The following STK39 variants were observed in gnomAD, a reference collection of about 807,000 sequenced individuals.
The protein encoded by STK39 is STE20/SPS1-related proline-alanine-rich protein kinase.
A neutral mutation model predicts 77.8 loss-of-function variants in STK39; 20 were observed. The ratio of observed to expected loss-of-function variants is 0.26; its 90% confidence interval spans 0.18 to 0.37. The LOEUF (loss-of-function observed/expected upper bound fraction) is 0.37, where lower values mean the gene tolerates loss of function less well. Among genes scored for constraint, STK39 ranks in the 10% least tolerant of loss-of-function variants. STK39 has a pLI of 1.00. For synonymous variants in STK39, 246 were observed against 234.1 expected (o/e 1.05, Z -0.47); for missense variants, 479 against 656.5 (o/e 0.73, Z 2.95).
chr2:167,956,724 TCTCTCC>T (rs1691791043), intron 17 of STK39, among the ~76,000 whole-genome samples: 1 of 52,380 alleles, frequency 1.9e-5, no homozygotes, highest in Non-Finnish European at 4.1e-5. Flanking sequence ...TCTCTCTCTC[TCTCTCC>T]CCCCCCGCCC....
intron 16 of STK39, among the ~76,000 whole-genome samples, chr2:167,990,578 A>G (rs927852656): frequency 1.3e-5 from 2 of 152,228 alleles, no homozygotes; most frequent in South Asian, 4.1e-4. Context: ...AGAAGACAGA[A>G]ACCTCTGGAA....
chr2:168,102,577 C>A (rs1168696806), intron 10 of STK39, among the ~76,000 whole-genome samples: 1 of 152,168 alleles, frequency 6.6e-6, no homozygotes, highest in Non-Finnish European at 1.5e-5. Flanking sequence ...CTGTACAAGC[C>A]AGCCCTTCAA....
chr2:168,012,234 G>A (rs908142199), intron 16 of STK39, among the ~76,000 whole-genome samples: 9 of 151,632 alleles, frequency 5.9e-5, no homozygotes, highest in African/African-American at 1.2e-4. Context: ...GTGCAATGGC[G>A]TGATCTCGGC....
chr2:168,160,504 C>G (rs143347654), intron 5 of STK39, among the ~76,000 whole-genome samples: 1 of 123,754 alleles, frequency 8.1e-6, no homozygotes, highest in African/African-American at 2.8e-5. Flanking sequence ...CATGGTAGAA[C>G]AGCAGTTATT....
chr2:168,044,741 T>G (rs916681635), intron 14 of STK39, among the ~76,000 whole-genome samples: 4 of 152,148 alleles, frequency 2.6e-5, no homozygotes, highest in African/African-American at 9.7e-5. Flanking sequence ...AGCGAAGACC[T>G]GTTTGTCTGC....
chr2:168,162,196 G>GA (rs1170495514), intron 4 of STK39, among the ~76,000 whole-genome samples: 4 of 143,232 alleles, frequency 2.8e-5, no homozygotes, highest in African/African-American at 1.0e-4. Flanking sequence ...TGAGGCAGAA[G>GA]AATCACTTGA....
At chr2:168,042,858 G>A (rs1685143825) in intron 14 of STK39, among the ~76,000 whole-genome samples, 1 of 152,130 alleles carries the variant, frequency 6.6e-6, no homozygotes, top group African/African-American at 2.4e-5. Flanking sequence ...GATTATAGGA[G>A]TGAGCCACTG....
Position 168,075,181 on chromosome 2 carries a change from C to G in STK39, c.1140G>C (p.Gly380=). 2 of 1,614,134 alleles carry G rather than the reference C, an allele frequency of 1.2e-6. No individual in the cohort carries two copies. Among genetic ancestry groups the G allele is most frequent in the South Asian group, 2.2e-5 (2 of 91,076 alleles). ...TCTCGTCGTCACTCCACTCCCAGTCCCCGTCTTCGGTTTTATGAAGGTGAC... is the reference window on the plus strand; with the variant it reads ...TCTCGTCGTCACTCCACTCCCAGTCGCCGTCTTCGGTTTTATGAAGGTGAC... The part of the protein sequence containing the change: ...SSGHLHKTED[G]DWEWSDDEMD... Residue 380 remains glycine, a synonymous_variant, in exon 11 of 18, where the codon GGG becomes GGC. Transcript: ENST00000355999.
intron 14 of STK39, among the ~76,000 whole-genome samples, chr2:168,055,829 TATA>T (rs1490026950): frequency 6.6e-6 from 1 of 152,226 alleles, no homozygotes; most frequent in Non-Finnish European, 1.5e-5. Context: ...AAAATATTTG[TATA>T]ATGTTTGACT....
intron 10 of STK39, among the ~76,000 whole-genome samples, chr2:168,106,049 G>A (rs556645259): frequency 1.7e-4 from 26 of 152,138 alleles, no homozygotes; most frequent in Non-Finnish European, 2.9e-4. Flanking sequence ...TGCAAACTCC[G>A]CCTCCCAGAT....
intron 10 of STK39, among the ~76,000 whole-genome samples, chr2:168,076,944 C>A (rs941013041): frequency 6.6e-6 from 1 of 152,038 alleles, no homozygotes; most frequent in African/African-American, 2.4e-5. Flanking sequence ...TTAATGCTTG[C>A]AGAAATAGCT....
At chr2:168,216,529 C>T (rs923749822) in intron 1 of STK39, among the ~76,000 whole-genome samples, 6 of 152,218 alleles carry the variant, frequency 3.9e-5, no homozygotes, top group African/African-American at 1.4e-4. Flanking sequence ...ATCTCCTTGG[C>T]ATTCCTGCAG....
At chr2:167,999,623 G>A (rs1219162564) in intron 16 of STK39, among the ~76,000 whole-genome samples, 6 of 151,874 alleles carry the variant, frequency 4.0e-5, no homozygotes, top group Non-Finnish European at 7.4e-5. Context: ...CACCACGCCC[G>A]GCTAATTTTT....
chr2:168,092,726 C>T (rs986819936), intron 10 of STK39, among the ~76,000 whole-genome samples: 1 of 152,138 alleles, frequency 6.6e-6, no homozygotes, highest in East Asian at 1.9e-4. Flanking sequence ...ATCTGCTCAT[C>T]GTTAGTAAAA....
At chr2:168,072,596 G>T (rs764981118) in intron 12 of STK39, among the ~76,000 whole-genome samples, 3 of 152,202 alleles carry the variant, frequency 2.0e-5, no homozygotes, top group Non-Finnish European at 2.9e-5. Flanking sequence ...ATTTTGCTCT[G>T]TATTTCTCAC....
intron 16 of STK39, among the ~76,000 whole-genome samples, chr2:168,010,834 C>T (rs1315392066): frequency 1.3e-5 from 2 of 152,138 alleles, no homozygotes; most frequent in Admixed American, 6.5e-5. Flanking sequence ...AACTCAATTA[C>T]TCTTATTTAC....
chr2:167,980,263 T>C (rs966738215), intron 16 of STK39, among the ~76,000 whole-genome samples: 5 of 152,180 alleles, frequency 3.3e-5, no homozygotes, highest in African/African-American at 7.2e-5. Flanking sequence ...ACATGAACCA[T>C]GTGAATTCCA....
In STK39 at chr2:168,242,560, A is replaced by AAT. The variant is rs59941306; in HGVS notation, c.208+4666_208+4667dup. 2.3e-3 allele frequency among the ~76,000 whole-genome samples: 103 copies of AAT among 44,848 alleles called. 3 individuals are homozygous for AAT. Among genetic ancestry groups the AAT allele is most frequent in the African/African-American group, 4.8e-3 (44 of 9,092 alleles). The allele number at this position is 44,848 out of a possible 152,430, so 29.4% of individuals were successfully genotyped here. A position where few individuals can be genotyped will look rare whatever the true frequency, so the allele number is the denominator to read the frequency against. On this transcript the variant is annotated intron_variant, in intron 1 of 17. Transcript: ENST00000355999. ...CAAGACTCTTACAAAAAAAAAAAAA[A>AAT]ATATATATATATATATATATATATA...
intron 10 of STK39, among the ~76,000 whole-genome samples, chr2:168,098,656 C>G (rs562663646): frequency 2.0e-5 from 3 of 152,306 alleles, no homozygotes; most frequent in Admixed American, 6.5e-5. Flanking sequence ...ACTGTTGTCA[C>G]TCTGCTACCA....
Sources: allele counts gnomAD v4.1 joint callset (sites outside exome capture counted in the v4.1 genomes callset), GRCh38; gene constraint gnomAD v4.1.1; transcripts MANE v1.5; gene names NCBI Gene and HGNC (gene_info 2026-07-23, HGNC 2026-07-21).